Variants in TBC1D12 observed in about 807,000 individuals in gnomAD.
TBC1D12 encodes the protein TBC1 domain family member 12, also known as TBC1 domain family, member 12.
Under a neutral mutation model 86.7 loss-of-function variants are expected in TBC1D12, and 56 were observed. The observed-to-expected ratio is 0.65, with a 90% CI of 0.52 to 0.81. TBC1D12 has a LOEUF of 0.81. TBC1D12 is among the 30% of genes least tolerant of loss of function. TBC1D12 has a pLI of 0.00. For missense variants in TBC1D12, 1,023 were observed against 1,038.8 expected (o/e 0.98, Z 0.21); for synonymous variants, 421 against 411.7 (o/e 1.02, Z -0.27).
intron 2 of TBC1D12, among the ~76,000 whole-genome samples, chr10:94,466,339 T>A (rs2055823782): frequency 6.6e-6 from 1 of 152,128 alleles, no homozygotes; most frequent in Non-Finnish European, 1.5e-5. Context: ...TTTCTTTGTG[T>A]ATATTCATGT....
intron 2 of TBC1D12, among the ~76,000 whole-genome samples, chr10:94,444,834 C>G (rs1216714380): frequency 6.6e-6 from 1 of 151,138 alleles, no homozygotes; most frequent in African/African-American, 2.4e-5. Context: ...CGAGTTCACG[C>G]CGTTCTCCTG....
Position 94,531,559 on chromosome 10 carries a change from T to C in TBC1D12, c.2259+99T>C, listed in dbSNP as rs569032694. 780 of 1,270,790 alleles carry C rather than the reference T, an allele frequency of 6.1e-4. 2 individuals are homozygous for C. Among genetic ancestry groups the C allele is most frequent in the South Asian group, 9.6e-4 (39 of 40,486 alleles). The allele number at this position is 1,270,790 out of a possible 1,614,324, so 78.7% of individuals were successfully genotyped here. On this transcript the variant is annotated intron_variant, in intron 12 of 12. Coordinates refer to ENST00000225235, the MANE Select transcript of TBC1D12 (RefSeq NM_015188.2). ...TTAAAAGTTAGTACTTAAAAATATG[T>C]CTTTTAAAAATAATTTTTGACTTCT...
intron 1 of TBC1D12, among the ~76,000 whole-genome samples, chr10:94,413,722 G>A (rs895937049): frequency 6.6e-6 from 1 of 150,988 alleles, no homozygotes; most frequent in Non-Finnish European, 1.5e-5. Flanking sequence ...ACTCATCTTT[G>A]AATTTGGCTT....
At chr10:94,448,159 A>G (rs370713106) in intron 2 of TBC1D12, among the ~76,000 whole-genome samples, 2 of 152,164 alleles carry the variant, frequency 1.3e-5, no homozygotes, top group Admixed American at 1.3e-4. Context: ...TAAAAGTAGA[A>G]TAGATCACTT....
rs574957124 is a variant in TBC1D12 at position 94,423,057 on chromosome 10, G to A, written c.972-18839G>A. 5.3e-5 allele frequency among the ~76,000 whole-genome samples: 8 copies of A among 152,246 alleles called. No individual in the cohort carries two copies. In the East Asian group the frequency reaches 1.2e-3, roughly 22 times the overall value. On this transcript the variant is annotated intron_variant, in intron 1 of 12. Transcript: ENST00000225235. ...TGATGCTGCAGTGAGCCATGATCACGCCAGTGCACTCTAGCCTGGGTGACA... is the reference window on the plus strand; with the variant it reads ...TGATGCTGCAGTGAGCCATGATCACACCAGTGCACTCTAGCCTGGGTGACA...
chr10:94,488,247 G>A (rs1462361899), intron 3 of TBC1D12, among the ~76,000 whole-genome samples: 3 of 151,438 alleles, frequency 2.0e-5, no homozygotes, highest in Non-Finnish European at 4.4e-5. Flanking sequence ...AATTAGCCGG[G>A]TATGGTGGCA....
intron 8 of TBC1D12, 50 bp from the exon 9 acceptor site, chr10:94,511,533 C>A: frequency 8.6e-7 from 1 of 1,162,062 alleles, no homozygotes; most frequent in Non-Finnish European, 1.3e-6. Context: ...TGAAAATTAA[C>A]TTAGAGAAAA....
At chr10:94,407,190 T>G (rs1371340065) in intron 1 of TBC1D12, among the ~76,000 whole-genome samples, 1 of 152,256 alleles carries the variant, frequency 6.6e-6, no homozygotes, top group African/African-American at 2.4e-5. Context: ...TCATTTAGAA[T>G]ATGACTGCTT....
chr10:94,523,721 G>A (rs1842214229), intron 11 of TBC1D12, among the ~76,000 whole-genome samples: 1 of 152,050 alleles, frequency 6.6e-6, no homozygotes, highest in African/African-American at 2.4e-5. Context: ...CCAGCACTTT[G>A]GGAGGCCAAG....
intron 2 of TBC1D12, among the ~76,000 whole-genome samples, chr10:94,456,268 G>T (rs774764912): frequency 1.3e-5 from 2 of 151,940 alleles, no homozygotes; most frequent in Non-Finnish European, 2.9e-5. Flanking sequence ...TTAGATGATT[G>T]ATTTTAGATC....
At chr10:94,529,779 A>G (rs1842379958) in intron 11 of TBC1D12, among the ~76,000 whole-genome samples, 1 of 152,162 alleles carries the variant, frequency 6.6e-6, no homozygotes, top group African/African-American at 2.4e-5. Flanking sequence ...AAAGTCCTCC[A>G]TTGTCAGTCT....
intron 3 of TBC1D12, 40 bp from the exon 4 acceptor site, chr10:94,493,325 T>G (rs2056270777): frequency 6.7e-7 from 1 of 1,497,244 alleles, no homozygotes; most frequent in South Asian, 1.2e-5. Flanking sequence ...AAAGTTAATC[T>G]TTTAAAAATT....
intron 2 of TBC1D12, among the ~76,000 whole-genome samples, chr10:94,465,670 ATGTG>A (rs34828664): frequency 5.4e-4 from 75 of 137,960 alleles, no homozygotes; most frequent in Non-Finnish European, 7.4e-4. Flanking sequence ...ATATATATAT[ATGTG>A]TGTGTGTGTG....
intron 2 of TBC1D12, among the ~76,000 whole-genome samples, chr10:94,462,737 T>C (rs1316036094): frequency 6.6e-6 from 1 of 152,214 alleles, no homozygotes; most frequent in African/African-American, 2.4e-5. Context: ...AGGTATGTGA[T>C]AGAAATGTGG....
intron 4 of TBC1D12, 133 bp from the exon 5 acceptor site, chr10:94,496,922 C>T (rs2056328166): frequency 1.4e-5 from 6 of 438,724 alleles, no homozygotes; most frequent in Non-Finnish European, 2.4e-5. Context: ...GTCCCTCCCT[C>T]CCTTATTTCC....
At chr10:94,495,832 G>A (rs368266093) in intron 4 of TBC1D12, among the ~76,000 whole-genome samples, 2 of 152,050 alleles carry the variant, frequency 1.3e-5, no homozygotes, top group Admixed American at 6.6e-5. Flanking sequence ...GGCCAGATGC[G>A]GTAGCTCACG....
At chr10:94,460,219 G>A (rs2055704059) in intron 2 of TBC1D12, among the ~76,000 whole-genome samples, 1 of 152,080 alleles carries the variant, frequency 6.6e-6, no homozygotes, top group African/African-American at 2.4e-5. Flanking sequence ...CAGCGTGGGT[G>A]ACAGAACAAG....
At chr10:94,428,513 C>G (rs953092540) in intron 1 of TBC1D12, among the ~76,000 whole-genome samples, 3 of 151,502 alleles carry the variant, frequency 2.0e-5, no homozygotes, top group Non-Finnish European at 4.4e-5. Flanking sequence ...ATCTCCAGTT[C>G]CTGAGGTCAA....
Position 94,531,382 on chromosome 10 carries a change from A to G in TBC1D12, c.2181A>G (p.Pro727=), listed in dbSNP as rs1206525323. 16 of 1,614,040 alleles carry G rather than the reference A, an allele frequency of 9.9e-6. No individual in the cohort carries two copies. In the East Asian group the frequency reaches 2.7e-4, roughly 27 times the overall value. ...TAGCACAGTTTCTAACTAAATTGCC[A>G]GAAGATATCACATCGGAAAAGCTGT... The part of the protein sequence containing the change: ...IHIAQFLTKL[P]EDITSEKLFS... The change falls in exon 12 of 13, where the codon CCA becomes CCG. Residue 727 remains proline, a synonymous_variant. Coordinates refer to ENST00000225235, the MANE Select transcript of TBC1D12 (RefSeq NM_015188.2).
Sources: allele counts gnomAD v4.1 joint callset (sites outside exome capture counted in the v4.1 genomes callset), GRCh38; gene constraint gnomAD v4.1.1; transcripts MANE v1.5; gene names NCBI Gene and HGNC (gene_info 2026-07-23, HGNC 2026-07-21).